UPP2: variants seen among roughly 807,000 people sequenced by gnomAD.
The protein encoded by UPP2 is uridine phosphorylase 2, also known as UPase 2.
Under a neutral mutation model 26.7 loss-of-function variants are expected in UPP2, and 23 were observed. The ratio of observed to expected loss-of-function variants is 0.86; its 90% CI spans 0.62 to 1.22. The LOEUF (loss-of-function observed/expected upper bound fraction) is 1.22. UPP2 is among the 50% of genes most tolerant of loss of function. The pLI is 0.00. For missense variants in UPP2, 387 were observed against 396.7 expected (o/e 0.98, Z 0.21); for synonymous variants, 127 against 141.3 (o/e 0.90, Z 0.72).
intron 3 of UPP2, among the ~76,000 whole-genome samples, chr2:158,068,803 T>TATATATATATAA (rs1491232938): frequency 7.1e-5 from 1 of 14,002 alleles, no homozygotes; most frequent in Non-Finnish European, 1.2e-4. Context: ...TATATATATA[T>TATATATATATAA]TTTTTTTTTT....
At chr2:158,035,450 G>T (rs901069315) in intron 3 of UPP2, among the ~76,000 whole-genome samples, 8 of 152,118 alleles carry the variant, frequency 5.3e-5, no homozygotes, top group Non-Finnish European at 8.8e-5. Flanking sequence ...CACCGCGCCC[G>T]GCCAAGGATC....
At chr2:158,055,119 G>A (rs1682226208) in intron 3 of UPP2, among the ~76,000 whole-genome samples, 1 of 152,174 alleles carries the variant, frequency 6.6e-6, no homozygotes, top group Non-Finnish European at 1.5e-5. Context: ...TACAATTCTG[G>A]AGGCCGGAAA....
intron 4 of UPP2, 125 bp from the exon 5 acceptor site, chr2:158,121,284 T>G (rs552451848): frequency 4.7e-6 from 4 of 846,074 alleles, no homozygotes; most frequent in East Asian, 4.9e-5. Flanking sequence ...AAGAAAATAA[T>G]TTTAAAGTTG....
intron 3 of UPP2, among the ~76,000 whole-genome samples, chr2:158,020,880 C>T (rs1683739663): frequency 6.6e-6 from 1 of 152,116 alleles, no homozygotes; most frequent in Non-Finnish European, 1.5e-5. Context: ...GACATAATTA[C>T]AGGAAAATAT....
At chr2:158,031,525 A>G (rs1486268181) in intron 3 of UPP2, among the ~76,000 whole-genome samples, 2 of 152,152 alleles carry the variant, frequency 1.3e-5, no homozygotes, top group Non-Finnish European at 2.9e-5. Context: ...GAGTGCAGAG[A>G]TCTGGGAAAC....
chr2:158,005,789 C>T (rs189922817), intron 2 of UPP2, among the ~76,000 whole-genome samples: 3 of 152,272 alleles, frequency 2.0e-5, no homozygotes, highest in Non-Finnish European at 4.4e-5. Flanking sequence ...ACAGCTGACC[C>T]TAAACAAACT....
intron 2 of UPP2, among the ~76,000 whole-genome samples, chr2:158,110,197 T>C (rs986421832): frequency 2.0e-5 from 3 of 152,216 alleles, no homozygotes; most frequent in South Asian, 4.1e-4. Flanking sequence ...ATGTTCCCCT[T>C]CCTGTGTCCA....
At chr2:158,036,598 C>T (rs1390844520) in intron 3 of UPP2, among the ~76,000 whole-genome samples, 1 of 152,122 alleles carries the variant, frequency 6.6e-6, no homozygotes, top group Non-Finnish European at 1.5e-5. Context: ...CTTATCTGTT[C>T]GTTCATAAGC....
intron 3 of UPP2, among the ~76,000 whole-genome samples, chr2:158,077,486 C>T (rs569230690): frequency 2.1e-4 from 32 of 152,200 alleles, no homozygotes; most frequent in Non-Finnish European, 4.6e-4. Context: ...AGAAACTAAT[C>T]CATACACTTA....
chr2:158,048,969 C>T (rs1458237757), intron 3 of UPP2, among the ~76,000 whole-genome samples: 2 of 152,174 alleles, frequency 1.3e-5, no homozygotes, highest in Non-Finnish European at 2.9e-5. Context: ...ACCATCTCTC[C>T]TTTCTCCACT....
intron 2 of UPP2, among the ~76,000 whole-genome samples, chr2:158,007,603 G>A (rs1683511808): frequency 6.6e-6 from 1 of 151,602 alleles, no homozygotes; most frequent in East Asian, 1.9e-4. Context: ...GAGGAGCGTG[G>A]GTTTTTCACG....
At chr2:158,106,038 T>C in intron 1 of UPP2, 61 bp from the exon 2 acceptor site, 1 of 1,300,666 alleles carries the variant, frequency 7.7e-7, no homozygotes, top group Non-Finnish European at 1.1e-6. Context: ...TCAGACTTTC[T>C]TTCTTGTGAG....
At chr2:158,126,058 C>T (rs1016076783) in intron 6 of UPP2, among the ~76,000 whole-genome samples, 3 of 152,210 alleles carry the variant, frequency 2.0e-5, no homozygotes, top group African/African-American at 7.2e-5. Context: ...GAGGCACCAA[C>T]TGGCAGCCAA....
chr2:158,048,522 C>T (rs183376180), intron 3 of UPP2, among the ~76,000 whole-genome samples: 20 of 152,206 alleles, frequency 1.3e-4, no homozygotes, highest in African/African-American at 4.8e-4. Context: ...GAGGATTGTT[C>T]GAGCCCAAGA....
chr2:158,013,602 T>A (rs891997572), intron 2 of UPP2, among the ~76,000 whole-genome samples: 2 of 152,182 alleles, frequency 1.3e-5, no homozygotes, highest in Non-Finnish European at 2.9e-5. Flanking sequence ...AGCAGTGTAA[T>A]TTGGCAACTC....
intron 3 of UPP2, among the ~76,000 whole-genome samples, chr2:158,078,828 C>G (rs1446903011): frequency 6.6e-6 from 1 of 151,982 alleles, no homozygotes; most frequent in African/African-American, 2.4e-5. Flanking sequence ...GATGGATACC[C>G]CGTTTACCCT....
At chr2:158,090,942 C>G (rs543903215) in intron 3 of UPP2, among the ~76,000 whole-genome samples, 1 of 152,244 alleles carries the variant, frequency 6.6e-6, no homozygotes, top group Non-Finnish European at 1.5e-5. Flanking sequence ...TAAGCCAAAA[C>G]TGGGAAACTC....
At chr2:158,012,552 G>A (rs897859101) in intron 2 of UPP2, among the ~76,000 whole-genome samples, 4 of 152,018 alleles carry the variant, frequency 2.6e-5, no homozygotes, top group Non-Finnish European at 4.4e-5. Context: ...ACAGGTGTGA[G>A]CCACCGTGCC....
intron 2 of UPP2, among the ~76,000 whole-genome samples, chr2:158,110,176 C>T (rs1683284082): frequency 6.6e-6 from 1 of 152,064 alleles, no homozygotes; most frequent in South Asian, 2.1e-4. Flanking sequence ...CATGACAGGC[C>T]CGAGTGTGTG....
Sources: gnomAD v4.1 joint callset for allele counts (sites outside exome capture counted in the v4.1 genomes callset) on GRCh38, gnomAD v4.1.1 for gene constraint, MANE v1.5 for transcripts, NCBI Gene and HGNC (gene_info 2026-07-23, HGNC 2026-07-21) for gene names.